Variants in SLC38A4 observed in about 807,000 individuals in gnomAD.
SLC38A4 encodes the protein sodium-coupled neutral amino acid transporter 4.
SLC38A4 carries 20 observed loss-of-function variants against 63.1 expected under a neutral mutation model. The ratio of observed to expected loss-of-function variants is 0.32; its 90% CI spans 0.22 to 0.46. The LOEUF (loss-of-function observed/expected upper bound fraction) is 0.46. Ranked by LOEUF, SLC38A4 falls within the 20% of genes least tolerant of loss-of-function variation. The probability of loss-of-function intolerance (pLI) is 1.00; values close to 1 mark genes in which losing one functional copy is unlikely to be tolerated. For synonymous variants in SLC38A4, 230 were observed against 225.5 expected, an observed-to-expected ratio of 1.02 and a Z score of -0.18; for missense variants, 526 against 663.6, an observed-to-expected ratio of 0.79 and a Z score of 2.28.
chr12:46,788,210 G>A (rs1193838431), intron 4 of SLC38A4, among the ~76,000 whole-genome samples, 179 bp from the exon 5 acceptor site: 1 of 152,182 alleles, frequency 6.6e-6, no homozygotes, highest in African/African-American at 2.4e-5. Flanking sequence ...ACGGAATGCA[G>A]TGCTTGGTTT....
chr12:46,778,176 T>C, intron 12 of SLC38A4, 113 bp downstream of exon 12: 2 of 965,370 alleles, frequency 2.1e-6, no homozygotes, highest in Non-Finnish European at 3.2e-6. Context: ...GTGGATGGAG[T>C]ACATATTTTC....
At chr12:46,812,899 A>T (rs550561536) in intron 1 of SLC38A4, among the ~76,000 whole-genome samples, 4 of 152,082 alleles carry the variant, frequency 2.6e-5, no homozygotes, top group African/African-American at 9.6e-5. Context: ...TGAATGTTTC[A>T]ATTTCACTAA....
intron 3 of SLC38A4, among the ~76,000 whole-genome samples, chr12:46,790,830 CA>C (rs1242442500): frequency 6.6e-6 from 1 of 151,330 alleles, no homozygotes; most frequent in Non-Finnish European, 1.5e-5. Flanking sequence ...ATAATGATCA[CA>C]AATAAATACA....
chr12:46,784,324 A>G (rs1938713197), intron 7 of SLC38A4, among the ~76,000 whole-genome samples: 1 of 152,140 alleles, frequency 6.6e-6, no homozygotes, highest in South Asian at 2.1e-4. Context: ...TCTAGAATTC[A>G]ATTGGCAGGG....
intron 4 of SLC38A4, 42 bp downstream of exon 4, chr12:46,788,486 C>T (rs768526819): frequency 1.3e-6 from 2 of 1,498,786 alleles, no homozygotes; most frequent in East Asian, 4.5e-5. Flanking sequence ...AGATCAGACA[C>T]CCTCAGTCCC....
At chr12:46,788,465 G>A in intron 4 of SLC38A4, 63 bp downstream of exon 4, 2 of 1,308,048 alleles carry the variant, frequency 1.5e-6, no homozygotes, top group South Asian at 2.5e-5. Flanking sequence ...TTTTCCCACA[G>A]AGACCTAGGT....
chr12:46,778,739 G>A lies in SLC38A4; in HGVS notation c.755C>T (p.Pro252Leu). The A allele has an allele frequency of 1.2e-5, 19 of 1,612,698 alleles. No individual in the cohort carries two copies. Among genetic ancestry groups the A allele is most frequent in the Non-Finnish European group, 1.6e-5 (19 of 1,179,202 alleles). Residue 252 changes from proline (P) to leucine (L), a missense_variant, in exon 11 of 17, where the codon CCT (proline) becomes CTT (leucine). Transcript: ENST00000266579. ...YKKFQIPCPL[P>L]VLDHSVGNLS... ...ATTTCCAACACTGTGATCCAAAACA[G>A]GTAGAGGGCAGGGTATTTGGAATTT...
chr12:46,778,661 G>A lies in SLC38A4; in HGVS notation c.833C>T (p.Ser278Phe). The A allele has an allele frequency of 1.2e-6, 2 of 1,613,022 alleles. No individual in the cohort carries two copies. The highest frequency in any genetic ancestry group is 1.7e-6 in the Non-Finnish European group (2 of 1,179,396). Residue 278 changes from serine to phenylalanine, a missense_variant, in exon 11 of 17, where the codon TCT becomes TTT. Coordinates refer to ENST00000266579, the MANE Select transcript of SLC38A4 (RefSeq NM_018018.5). ...CATGAAGTTCACATCAGAACTCTCA[G>A]AGTTGTTGGGTAACATTACCACATG... Reference protein sequence around the residue: ...PMHVVMLPNNSESSDVNFMMD... With the variant: ...PMHVVMLPNNFESSDVNFMMD...
chr12:46,769,150 G>A, intron 15 of SLC38A4, 134 bp downstream of exon 15: 1 of 945,028 alleles, frequency 1.1e-6, no homozygotes, highest in Admixed American at 2.4e-5. Flanking sequence ...AATCACCAGA[G>A]CCTCTCAGGG....
At chr12:46,831,378 C>T (rs1939729170) in intron 1 of SLC38A4, among the ~76,000 whole-genome samples, 1 of 152,226 alleles carries the variant, frequency 6.6e-6, no homozygotes, top group African/African-American at 2.4e-5. Context: ...CCTCCATCAG[C>T]TCTAACCTGT....
At position 46,764,977 on chromosome 12, in the gene SLC38A4, C is replaced by G. The variant is rs1938266890; in HGVS notation, c.*1724G>C. ...CCTGGTTATGAAGAAAAAAATGGTGCTTTATTATTTGGCACTATAGGATGC... is the reference window on the plus strand; with the variant it reads ...CCTGGTTATGAAGAAAAAAATGGTGGTTTATTATTTGGCACTATAGGATGC... On this transcript the variant is annotated 3_prime_UTR_variant, in exon 17 of 17. Transcript: ENST00000266579. 6.6e-6 allele frequency: 1 copy of G among 152,458 alleles called. No homozygotes were observed. Among genetic ancestry groups the G allele is most frequent in the Non-Finnish European group, 1.5e-5 (1 of 67,974 alleles). 9.4% of individuals were successfully genotyped at this position (152,458 alleles called of 1,614,324 possible).
At chr12:46,777,170 G>A (rs1030007792) in intron 12 of SLC38A4, among the ~76,000 whole-genome samples, 166 bp from the exon 13 acceptor site, 3 of 151,880 alleles carry the variant, frequency 2.0e-5, no homozygotes, top group African/African-American at 2.4e-5. Flanking sequence ...GAGCTAATGA[G>A]GATTCATTTC....
intron 1 of SLC38A4, among the ~76,000 whole-genome samples, chr12:46,831,903 G>A (rs1400967672): frequency 6.6e-6 from 1 of 152,030 alleles, no homozygotes; most frequent in African/African-American, 2.4e-5. Context: ...CAACCAACTC[G>A]AAATCCAACA....
chr12:46,810,079 G>A (rs573933854), intron 1 of SLC38A4, among the ~76,000 whole-genome samples: 2 of 152,082 alleles, frequency 1.3e-5, no homozygotes, highest in Non-Finnish European at 2.9e-5. Context: ...ATATTAAAAT[G>A]TTCCTTCTTA....
intron 5 of SLC38A4, 24 bp downstream of exon 5, chr12:46,787,892 A>T: frequency 6.4e-7 from 1 of 1,553,954 alleles, no homozygotes; most frequent in South Asian, 1.1e-5. Context: ...TCATCACCAA[A>T]TGTAGACATA....
chr12:46,799,772 C>G (rs1939092390), intron 2 of SLC38A4, among the ~76,000 whole-genome samples: 1 of 152,040 alleles, frequency 6.6e-6, no homozygotes, highest in Non-Finnish European at 1.5e-5. Flanking sequence ...TATTCTGAAT[C>G]ATCTGTCTAC....
intron 14 of SLC38A4, among the ~76,000 whole-genome samples, chr12:46,772,525 G>A (rs1938440400): frequency 6.6e-6 from 1 of 152,046 alleles, no homozygotes; most frequent in Admixed American, 6.6e-5. Context: ...CCTCTGGAAG[G>A]AGGTGCCATT....
intron 1 of SLC38A4, among the ~76,000 whole-genome samples, chr12:46,815,675 A>T (rs529630618): frequency 6.6e-6 from 1 of 152,028 alleles, no homozygotes; most frequent in East Asian, 1.9e-4. Context: ...ATTATTTTGA[A>T]TTCAGAATAA....
At chr12:46,795,179 T>C (rs1220317467) in intron 2 of SLC38A4, among the ~76,000 whole-genome samples, 2 of 152,050 alleles carry the variant, frequency 1.3e-5, no homozygotes, top group Admixed American at 6.6e-5. Context: ...TTAGACTGGT[T>C]ACCCATAAAA....
Sources: allele counts gnomAD v4.1 joint callset (sites outside exome capture counted in the v4.1 genomes callset), GRCh38; gene constraint gnomAD v4.1.1; transcripts MANE v1.5; gene names NCBI Gene and HGNC (gene_info 2026-07-23, HGNC 2026-07-21).